Variants in TRIP12 observed in about 807,000 individuals in gnomAD.
TRIP12 encodes thyroid hormone receptor interactor 12, also known as E3 ubiquitin-protein ligase TRIP12.
A neutral mutation model predicts 244.2 loss-of-function variants in TRIP12; 25 were observed. The observed-to-expected ratio is 0.10, with a 90% CI of 0.07 to 0.14. TRIP12 has a LOEUF of 0.14. TRIP12 is among the 10% of genes least tolerant of loss of function. The probability of loss-of-function intolerance (pLI) is 1.00; values close to 1 mark genes in which losing one functional copy is unlikely to be tolerated. For synonymous variants in TRIP12, 905 were observed against 873.1 expected (o/e 1.04, Z -0.64); for missense variants, 1,677 against 2,486.4 (o/e 0.67, Z 6.92).
rs569542968 is a variant in TRIP12, at chr2:229,874,195, G to C, written c.98+5787C>G. 1.4e-4 allele frequency among the ~76,000 whole-genome samples: 21 copies of C among 152,192 alleles called. No individual in the cohort carries two copies. In the South Asian group the frequency reaches 1.5e-3, roughly 11 times the overall value. The stretch of plus-strand genomic sequence containing the variant: ...AAAATAAATGAAAATGGCCCACGGA[G>C]CAAATTTTTCCACTCTATAGTAAAC... On this transcript the variant is annotated intron_variant, in intron 2 of 41. Coordinates refer to ENST00000675903, the MANE Select transcript of TRIP12 (RefSeq NM_001348323.3).
At chr2:229,885,225 T>G (rs2065766917) in intron 1 of TRIP12, among the ~76,000 whole-genome samples, 1 of 152,222 alleles carries the variant, frequency 6.6e-6, no homozygotes, top group African/African-American at 2.4e-5. Context: ...TTGTCCAGTA[T>G]GTACCCCCCT....
intron 4 of TRIP12, among the ~76,000 whole-genome samples, chr2:229,849,417 C>G (rs2058212217): frequency 6.6e-6 from 1 of 152,014 alleles, no homozygotes; most frequent in Admixed American, 6.6e-5. Context: ...TCTTCATTTT[C>G]CCTAAGGGGA....
Position 229,796,766 on chromosome 2 carries a change from T to C in TRIP12, c.3641A>G (p.Glu1214Gly). The change falls in exon 25 of 42, where the codon GAG (glutamate) becomes GGG (glycine). Residue 1214 changes from glutamate (E) to glycine (G), a missense_variant. Coordinates refer to ENST00000675903, the MANE Select transcript of TRIP12 (RefSeq NM_001348323.3). The part of the protein sequence containing the change: ...QLNLQVDGGA[E>G]CLVEIRSIVS... The stretch of plus-strand genomic sequence containing the variant: ...TATGCTACGGATTTCTACAAGGCAC[T>C]CAGCTCCACCATCCACCTGAAAGAG... The C allele has an allele frequency of 6.3e-7, 1 of 1,586,782 alleles. No individual in the cohort carries two copies. The highest frequency in any genetic ancestry group is 8.5e-7 in the Non-Finnish European group (1 of 1,170,298).
At chr2:229,897,792 T>C (rs1404733650) in intron 1 of TRIP12, among the ~76,000 whole-genome samples, 1 of 152,240 alleles carries the variant, frequency 6.6e-6, no homozygotes, top group Non-Finnish European at 1.5e-5. Context: ...TGCAAGTGGG[T>C]ACTTACATTA....
intron 4 of TRIP12, among the ~76,000 whole-genome samples, chr2:229,851,323 T>A (rs1303041108): frequency 6.6e-6 from 1 of 152,156 alleles, no homozygotes; most frequent in African/African-American, 2.4e-5. Flanking sequence ...ATCGACACTC[T>A]CTAGCTACTC....
At chr2:229,845,211 A>T (rs1269538031) in intron 4 of TRIP12, among the ~76,000 whole-genome samples, 1 of 152,214 alleles carries the variant, frequency 6.6e-6, no homozygotes, top group Non-Finnish European at 1.5e-5. Flanking sequence ...GAAGCTAGGC[A>T]TTCTCTTGGC....
At chr2:229,815,502 G>A (rs755936298) in intron 9 of TRIP12, among the ~76,000 whole-genome samples, 194 bp from the exon 10 acceptor site, 12 of 150,532 alleles carry the variant, frequency 8.0e-5, no homozygotes, top group South Asian at 2.1e-4. Flanking sequence ...CATCACACAC[G>A]GTGACTCCGA....
At chr2:229,772,609 G>A (rs1258026927) in intron 38 of TRIP12, among the ~76,000 whole-genome samples, 4 of 152,080 alleles carry the variant, frequency 2.6e-5, no homozygotes, top group African/African-American at 7.2e-5. Context: ...GACTACAGGC[G>A]TGCACCACCA....
At position 229,855,716 on chromosome 2, in the gene TRIP12, G is replaced by A. The variant is rs554415728; in HGVS notation, c.1027+3056C>T. On this transcript the variant is annotated intron_variant, in intron 4 of 41. Coordinates refer to ENST00000675903, the MANE Select transcript of TRIP12 (RefSeq NM_001348323.3). The stretch of plus-strand genomic sequence containing the variant: ...AGTATGAGGTATATTACTCAGAGAA[G>A]TTATTTCATCTCCTTGGAATACATT... 2.0e-5 allele frequency among the ~76,000 whole-genome samples: 3 copies of A among 151,646 alleles called. No individual in the cohort carries two copies. In the East Asian group the frequency reaches 5.8e-4, roughly 29 times the overall value.
chr2:229,864,047 A>AGAGTGAGT, intron 2 of TRIP12, among the ~76,000 whole-genome samples: 13 of 79,284 alleles, frequency 1.6e-4, no homozygotes, highest in Non-Finnish European at 2.8e-4. Context: ...AGAGAGAGAG[A>AGAGTGAGT]GTGTGTGTGT....
chr2:229,853,697 TACATAC>T, intron 4 of TRIP12, among the ~76,000 whole-genome samples: 1 of 152,006 alleles, frequency 6.6e-6, no homozygotes, highest in Non-Finnish European at 1.5e-5. Flanking sequence ...CATACATACA[TACATAC>T]ATGACCATAA....
At chr2:229,873,568 C>T (rs1401322704) in intron 2 of TRIP12, among the ~76,000 whole-genome samples, 1 of 152,102 alleles carries the variant, frequency 6.6e-6, no homozygotes, top group African/African-American at 2.4e-5. Flanking sequence ...GTGTGATCTG[C>T]CAAAGTGTAC....
chr2:229,773,978 GTGGTC>G, intron 38 of TRIP12, 114 bp downstream of exon 38: 1 of 1,007,058 alleles, frequency 9.9e-7, no homozygotes, highest in Non-Finnish European at 1.5e-6. Context: ...CCTTCATGCA[GTGGTC>G]CTGGGGATGT....
Position 229,771,582 on chromosome 2 carries a change from C to A in TRIP12, c.5745G>T (p.Ser1915=). 6.2e-7 allele frequency: 1 copy of A among 1,613,978 alleles called. No homozygotes were observed. The highest frequency in any genetic ancestry group is 8.5e-7 in the Non-Finnish European group (1 of 1,179,926). Residue 1915 remains serine (S), a synonymous_variant, in exon 39 of 42, where the codon TCG becomes TCT. Coordinates refer to ENST00000675903, the MANE Select transcript of TRIP12 (RefSeq NM_001348323.3). The part of the protein sequence containing the change: ...LNEGVSRQFD[S]FRDGFESVFP... Reference sequence around the variant, plus strand: ...AGACTGATTCAAATCCATCTCTGAACGAATCAAATTGCCTAGAAACGCCTT... The same window carrying A: ...AGACTGATTCAAATCCATCTCTGAAAGAATCAAATTGCCTAGAAACGCCTT...
At chr2:229,823,399 C>G (rs951317058) in intron 8 of TRIP12, among the ~76,000 whole-genome samples, 2 of 152,098 alleles carry the variant, frequency 1.3e-5, no homozygotes, top group African/African-American at 4.8e-5. Context: ...CTTGGCCAGG[C>G]ATGGTGGCTC....
At chr2:229,841,725 G>A (rs1297009170) in intron 4 of TRIP12, among the ~76,000 whole-genome samples, 1 of 152,272 alleles carries the variant, frequency 6.6e-6, no homozygotes, top group East Asian at 1.9e-4. Flanking sequence ...TGAGAACTCA[G>A]CATCATCTTA....
chr2:229,813,765 C>G, intron 13 of TRIP12, 105 bp downstream of exon 13: 2 of 828,964 alleles, frequency 2.4e-6, no homozygotes, highest in Non-Finnish European at 3.1e-6. Context: ...GCCTGGGTAA[C>G]AGAGCGAGAC....
chr2:229,876,157 C>T (rs911600817), intron 2 of TRIP12, among the ~76,000 whole-genome samples: 3 of 152,062 alleles, frequency 2.0e-5, no homozygotes, highest in Non-Finnish European at 2.9e-5. Context: ...GCCTGTAATC[C>T]CAGCTACTCA....
At chr2:229,787,186 G>C (rs1302750174) in intron 33 of TRIP12, among the ~76,000 whole-genome samples, 1 of 152,158 alleles carries the variant, frequency 6.6e-6, no homozygotes, top group Non-Finnish European at 1.5e-5. Context: ...GAGATAGTTT[G>C]AACTCCTAAT....
Sources: gnomAD v4.1 joint callset for allele counts (sites outside exome capture counted in the v4.1 genomes callset) on GRCh38, gnomAD v4.1.1 for gene constraint, MANE v1.5 for transcripts, NCBI Gene and HGNC (gene_info 2026-07-23, HGNC 2026-07-21) for gene names.